AXDND1: variants seen among roughly 807,000 people sequenced by gnomAD.
AXDND1 encodes axonemal dynein light chain domain-containing protein 1.
In AXDND1, 110 loss-of-function variants were observed where a neutral mutation model predicts 137.5. The ratio of observed to expected loss-of-function variants is 0.80; its 90% CI spans 0.69 to 0.94. AXDND1 has a LOEUF of 0.94. AXDND1 is among the 40% of genes least tolerant of loss of function. The pLI is 0.00. For missense variants in AXDND1, 1,191 were observed against 1,169.8 expected (o/e 1.02, Z -0.26); for synonymous variants, 414 against 399.7 (o/e 1.04, Z -0.43).
chr1:179,528,804 C>T (rs1174594669), intron 23 of AXDND1, among the ~76,000 whole-genome samples: 1 of 152,004 alleles, frequency 6.6e-6, no homozygotes. Flanking sequence ...ATTGGCTAGG[C>T]TGGTCTCAAT....
chr1:179,408,968 C>CTTTTTTTTTTTTTT (rs74384865), intron 11 of AXDND1, among the ~76,000 whole-genome samples: 84 of 126,356 alleles, frequency 6.6e-4, no homozygotes, highest in African/African-American at 1.1e-3. Context: ...TTTTTTCTTT[C>CTTTTTTTTTTTTTT]TTTTTTTTTT....
chr1:179,528,367 T>C lies in AXDND1; in HGVS notation c.2651T>C (p.Phe884Ser). ...ACAGAGAAGGAAAAACTCATTCGAT[T>C]CATTGGAGAAGATGAAAATGTTCAT... is the stretch of plus-strand genomic sequence containing the variant. ...TSTEKEKLIR[F>S]IGEDENVHSK... is the part of the protein sequence containing the mutation. Residue 884 changes from phenylalanine to serine, a missense_variant, in exon 23 of 26, where the codon TTC becomes TCC. Coordinates refer to ENST00000367618, the MANE Select transcript of AXDND1 (RefSeq NM_144696.6). The C allele has an allele frequency of 6.2e-7, 1 of 1,613,994 alleles. No individual in the cohort carries two copies. The highest frequency in any genetic ancestry group is 8.5e-7 in the Non-Finnish European group (1 of 1,179,896).
chr1:179,447,402 A>G (rs1571872150), intron 16 of AXDND1, among the ~76,000 whole-genome samples: 4 of 152,248 alleles, frequency 2.6e-5, no homozygotes, highest in African/African-American at 9.6e-5. Context: ...TTAAATAACC[A>G]TTAAGCAAAT....
intron 12 of AXDND1, among the ~76,000 whole-genome samples, chr1:179,412,723 C>G (rs1654081292): frequency 1.3e-5 from 2 of 152,092 alleles, no homozygotes; most frequent in African/African-American, 4.8e-5. Flanking sequence ...TAATAACATG[C>G]AAATAAAATC....
In AXDND1 at chr1:179,379,281, A is replaced by C. The variant is rs555912852; in HGVS notation, c.496-116A>C. ...GCTAATATTGTTATTTCTCCAATCAAAATTTTTCAACTTAAAAAATAGTAT... is the reference window on the plus strand; with the variant it reads ...GCTAATATTGTTATTTCTCCAATCACAATTTTTCAACTTAAAAAATAGTAT... On this transcript the variant is annotated intron_variant, in intron 5 of 25. Transcript: ENST00000367618. 2.6e-4 allele frequency: 302 copies of C among 1,141,900 alleles called. 2 individuals carry two copies. In the East Asian group the frequency reaches 7.6e-3, roughly 29 times the overall value. The allele number at this position is 1,141,900 out of a possible 1,614,324, so 70.7% of individuals were successfully genotyped here. A position where few individuals can be genotyped will look rare whatever the true frequency, so the allele number is the denominator to read the frequency against.
intron 18 of AXDND1, among the ~76,000 whole-genome samples, chr1:179,489,807 A>AC (rs5779027): frequency 0.55 from 81,135 of 146,720 alleles, 22,602 homozygotes; most frequent in East Asian, 0.76. Context: ...GTGCAGTGGA[A>AC]CCGTCTCGGC....
intron 14 of AXDND1, among the ~76,000 whole-genome samples, chr1:179,431,342 A>G (rs1558168578): frequency 6.6e-6 from 1 of 151,856 alleles, no homozygotes; most frequent in Non-Finnish European, 1.5e-5. Context: ...GAGTTTTACC[A>G]TGTTAGCCAG....
intron 16 of AXDND1, among the ~76,000 whole-genome samples, chr1:179,446,182 T>C (rs549372107): frequency 6.6e-6 from 1 of 152,322 alleles, no homozygotes; most frequent in South Asian, 2.1e-4. Context: ...GTTTTTTTTC[T>C]AAGACAAAAA....
intron 12 of AXDND1, among the ~76,000 whole-genome samples, chr1:179,419,350 G>C (rs999083868): frequency 2.0e-5 from 3 of 151,932 alleles, no homozygotes; most frequent in African/African-American, 4.8e-5. Flanking sequence ...ACGAGACTCT[G>C]TCTGCAATCC....
At chr1:179,466,141 G>A (rs1006595041) in intron 16 of AXDND1, among the ~76,000 whole-genome samples, 2 of 152,148 alleles carry the variant, frequency 1.3e-5, no homozygotes, top group African/African-American at 4.8e-5. Context: ...ACGAGCCCCA[G>A]TGAGATGAAC....
chr1:179,518,721 A>C lies in AXDND1; in HGVS notation c.2497-6613A>C, dbSNP rs11802193. 2.1e-4 allele frequency among the ~76,000 whole-genome samples: 32 copies of C among 152,226 alleles called. No homozygotes were observed. In the East Asian group the frequency reaches 6.0e-3, roughly 28 times the overall value. ...ATGTCCCTGCAAATGACATGATCTC[A>C]TTCTTTTTTATGGCTGCATAGTATT... is the stretch of plus-strand genomic sequence containing the variant. On this transcript the variant is annotated intron_variant, in intron 21 of 25. Coordinates refer to ENST00000367618, the MANE Select transcript of AXDND1 (RefSeq NM_144696.6).
At chr1:179,403,540 G>A (rs547471703) in intron 11 of AXDND1, among the ~76,000 whole-genome samples, 3 of 152,314 alleles carry the variant, frequency 2.0e-5, no homozygotes, top group South Asian at 4.1e-4. Context: ...ATTGACTGGA[G>A]ATACAAACTA....
At chr1:179,535,053 T>C (rs926146881) in intron 25 of AXDND1, 91 bp downstream of exon 25, 1 of 1,561,786 alleles carries the variant, frequency 6.4e-7, no homozygotes, top group Non-Finnish European at 8.8e-7. Flanking sequence ...AACATTAATA[T>C]ATTTGGTGCT....
At chr1:179,420,457 T>G (rs1004370601) in intron 12 of AXDND1, among the ~76,000 whole-genome samples, 18 of 152,152 alleles carry the variant, frequency 1.2e-4, no homozygotes, top group African/African-American at 4.1e-4. Context: ...GCCTTATGAG[T>G]TTGGAAGTAT....
intron 21 of AXDND1, among the ~76,000 whole-genome samples, chr1:179,520,818 G>A (rs1572156590): frequency 6.7e-6 from 1 of 149,414 alleles, no homozygotes; most frequent in Non-Finnish European, 1.5e-5. Flanking sequence ...TATTTTAAAT[G>A]AGACATTCTT....
chr1:179,541,830 C>T (rs1310261170), intron 25 of AXDND1, among the ~76,000 whole-genome samples: 3 of 151,924 alleles, frequency 2.0e-5, no homozygotes, highest in Non-Finnish European at 1.5e-5. Flanking sequence ...TAGAAACAAC[C>T]TACGTGTTCA....
chr1:179,468,753 A>G (rs1030748944), intron 17 of AXDND1, 112 bp downstream of exon 17: 16 of 773,242 alleles, frequency 2.1e-5, no homozygotes, highest in Non-Finnish European at 2.3e-5. Context: ...GGTGTTCAGT[A>G]TATTTATAGA....
intron 17 of AXDND1, among the ~76,000 whole-genome samples, chr1:179,482,640 C>T (rs72704407): frequency 2.6e-5 from 4 of 151,716 alleles, no homozygotes; most frequent in Admixed American, 1.3e-4. Flanking sequence ...TAGATTTTCT[C>T]GAATAGATGT....
intron 20 of AXDND1, among the ~76,000 whole-genome samples, chr1:179,499,033 G>T (rs1195404367): frequency 3.3e-5 from 5 of 152,100 alleles, no homozygotes; most frequent in Non-Finnish European, 7.4e-5. Context: ...ATTTCTCAAA[G>T]AACTTAAAAC....
Sources: allele counts gnomAD v4.1 joint callset (sites outside exome capture counted in the v4.1 genomes callset), GRCh38; gene constraint gnomAD v4.1.1; transcripts MANE v1.5; gene names NCBI Gene and HGNC (gene_info 2026-07-23, HGNC 2026-07-21).